NEK1: variants seen among roughly 807,000 people sequenced by gnomAD.
NEK1 encodes NIMA related kinase 1, also known as serine/threonine-protein kinase Nek1.
A neutral mutation model predicts 182.1 loss-of-function variants in NEK1; 137 were observed. That is an observed-to-expected ratio of 0.75 (90% CI 0.65 to 0.87). The LOEUF is 0.87. NEK1 is among the 40% of genes least tolerant of loss of function. The pLI, the probability that NEK1 is intolerant of heterozygous loss-of-function variation, is 0.00. For missense variants in NEK1, 1,391 were observed against 1,494.4 expected (o/e 0.93, Z 1.14); for synonymous variants, 513 against 492.2 (o/e 1.04, Z -0.56).
chr4:169,536,668 A>G (rs1399275109), intron 19 of NEK1, among the ~76,000 whole-genome samples: 8 of 152,108 alleles, frequency 5.3e-5, no homozygotes, highest in Non-Finnish European at 8.8e-5. Flanking sequence ...GCATGAAAAA[A>G]AATAAACTGA....
At chr4:169,406,102 A>G (rs1228163176) in intron 32 of NEK1, among the ~76,000 whole-genome samples, 1 of 152,036 alleles carries the variant, frequency 6.6e-6, no homozygotes, top group Non-Finnish European at 1.5e-5. Context: ...ACCTCAAAAG[A>G]AAAAATAAAT....
chr4:169,510,575 C>T (rs1754018109), intron 19 of NEK1, among the ~76,000 whole-genome samples: 1 of 152,142 alleles, frequency 6.6e-6, no homozygotes, highest in Admixed American at 6.6e-5. Context: ...TACCTCTAGT[C>T]TCACATCCCA....
At chr4:169,399,303 G>A (rs1025465277) in intron 35 of NEK1, among the ~76,000 whole-genome samples, 5 of 151,954 alleles carry the variant, frequency 3.3e-5, no homozygotes, top group African/African-American at 1.2e-4. Context: ...AGGGCCAGGC[G>A]CAGTGGCTCA....
chr4:169,478,299 T>C (rs1051568432), intron 24 of NEK1: 1 of 152,034 alleles, frequency 6.6e-6, no homozygotes, highest in Non-Finnish European at 1.5e-5. Flanking sequence ...AATTAAAAAT[T>C]TGGTGGTCAG....
chr4:169,440,141 G>T (rs1739169420), intron 27 of NEK1, among the ~76,000 whole-genome samples: 1 of 151,276 alleles, frequency 6.6e-6, no homozygotes, highest in Admixed American at 6.6e-5. Flanking sequence ...ACCACACCCG[G>T]CTGGATAGCT....
intron 4 of NEK1, among the ~76,000 whole-genome samples, chr4:169,600,669 T>C (rs1581080448): frequency 6.6e-6 from 1 of 152,258 alleles, no homozygotes; most frequent in Non-Finnish European, 1.5e-5. Context: ...ATCATCCAAA[T>C]ATACATGTGA....
rs1765113126 is a variant in NEK1, at chr4:169,572,996, AG to A, written c.1020+3931del. 4.6e-5 allele frequency among the ~76,000 whole-genome samples: 7 copies of A among 152,330 alleles called. 1 individual carries two copies. The South Asian group carries it at 1.4e-3, about 32-fold the overall frequency. ...ATAGAGAGGTAGTTGGAAGGACATAAGGGAAAGTTCCTTTTTAAAAAGACTT... is the reference window on the plus strand; with the variant it reads ...ATAGAGAGGTAGTTGGAAGGACATAAGGAAAGTTCCTTTTTAAAAAGACTT... On this transcript the variant is annotated intron_variant, in intron 12 of 35. Transcript: ENST00000507142.
chr4:169,607,690 C>T (rs1285499693), intron 2 of NEK1, among the ~76,000 whole-genome samples: 1 of 152,066 alleles, frequency 6.6e-6, no homozygotes, highest in Non-Finnish European at 1.5e-5. Flanking sequence ...GTCTCGATCT[C>T]CTGACCTTGT....
At chr4:169,563,207 T>A (rs1204421650) in intron 12 of NEK1, among the ~76,000 whole-genome samples, 1 of 151,728 alleles carries the variant, frequency 6.6e-6, no homozygotes, top group African/African-American at 2.4e-5. Flanking sequence ...AAAAAATTTT[T>A]AAAAATTAGC....
At chr4:169,429,101 G>C (rs1441297662) in intron 29 of NEK1, among the ~76,000 whole-genome samples, 1 of 151,952 alleles carries the variant, frequency 6.6e-6, no homozygotes. Context: ...GTACACAGAG[G>C]GCTGGCTTTT....
Position 169,400,533 on chromosome 4 carries a change from A to G in NEK1, c.3702T>C (p.Tyr1234=), listed in dbSNP as rs758312875. The G allele has an allele frequency of 1.2e-6, 2 of 1,601,730 alleles. No homozygotes were observed. The highest frequency in any genetic ancestry group is 2.3e-5 in the South Asian group (2 of 87,328). ...EMGFEKFFEV[Y]EKIKAIHEDE... ...ACTTTTCACTTACCTTTATTTTCTC[A>G]TAAACCTCAAAGAATTTTTCAAAGC... The change falls in exon 34 of 36, where the codon TAT becomes TAC. Residue 1234 remains tyrosine, a synonymous_variant. Coordinates refer to ENST00000507142, the MANE Select transcript of NEK1 (RefSeq NM_001199397.3).
chr4:169,463,184 AT>A (rs1465904584), intron 27 of NEK1, 58 bp downstream of exon 27: 1 of 938,504 alleles, frequency 1.1e-6, no homozygotes, highest in African/African-American at 1.7e-5. Context: ...CTTAAAATAC[AT>A]AATTAGATTT....
At chr4:169,441,540 G>T (rs1739460838) in intron 27 of NEK1, among the ~76,000 whole-genome samples, 1 of 152,180 alleles carries the variant, frequency 6.6e-6, no homozygotes, top group Non-Finnish European at 1.5e-5. Context: ...TGCAGTCTGG[G>T]GTCCTGGGGG....
At chr4:169,414,614 T>C (rs1207851074) in intron 31 of NEK1, among the ~76,000 whole-genome samples, 1 of 152,210 alleles carries the variant, frequency 6.6e-6, no homozygotes, top group South Asian at 2.1e-4. Flanking sequence ...CTGTGATCTG[T>C]GGCAGTATTT....
Position 169,507,051 on chromosome 4 carries a change from CT to C in NEK1, c.1992del (p.Val665CysfsTer34), listed in dbSNP as rs775849720. On this transcript the variant is annotated frameshift_variant, in exon 23 of 36. Transcript: ENST00000507142. LOFTEE classifies it high-confidence loss of function. Reference sequence around the variant, plus strand: ...CTAAATCTTACATGCTCTTCCCACACTTTTTTTTCTCTCTCATAAGCCTCCT... The same window carrying C: ...CTAAATCTTACATGCTCTTCCCACACTTTTTTTCTCTCTCATAAGCCTCCT... ...KRKEAYEREK[K>X]VWEEHLVAKG... The C allele has an allele frequency of 1.2e-5, 20 of 1,605,290 alleles. No individual in the cohort carries two copies. The highest frequency in any genetic ancestry group is 6.7e-5 in the East Asian group (3 of 44,680).
intron 23 of NEK1, among the ~76,000 whole-genome samples, chr4:169,484,480 A>C (rs955429056): frequency 6.6e-6 from 1 of 152,184 alleles, no homozygotes; most frequent in African/African-American, 2.4e-5. Context: ...AATGATATCC[A>C]AAATGAATTA....
At chr4:169,584,480 C>T (rs1047382362) in intron 10 of NEK1, among the ~76,000 whole-genome samples, 1 of 151,954 alleles carries the variant, frequency 6.6e-6, no homozygotes, top group Admixed American at 6.6e-5. Flanking sequence ...GGCATGGTGA[C>T]ATGTGGCTGT....
chr4:169,400,155 T>A, intron 35 of NEK1, 70 bp downstream of exon 35: 1 of 1,361,228 alleles, frequency 7.3e-7, no homozygotes, highest in Non-Finnish European at 1.0e-6. Flanking sequence ...GTAAGCTGAT[T>A]CATATACATG....
intron 31 of NEK1, among the ~76,000 whole-genome samples, chr4:169,413,192 G>C (rs1194879548): frequency 6.7e-6 from 1 of 148,638 alleles, no homozygotes; most frequent in Non-Finnish European, 1.5e-5. Context: ...TTTTGAGACA[G>C]GGTCACGCTC....
Sources: allele counts gnomAD v4.1 joint callset (sites outside exome capture counted in the v4.1 genomes callset), GRCh38; gene constraint gnomAD v4.1.1; transcripts MANE v1.5; gene names NCBI Gene and HGNC (gene_info 2026-07-23, HGNC 2026-07-21).